RNASEH2B: variants seen among roughly 807,000 people sequenced by gnomAD.
RNASEH2B encodes ribonuclease H2 subunit B.
RNASEH2B carries 36 observed loss-of-function variants against 45.0 expected under a neutral mutation model. The ratio of observed to expected loss-of-function variants is 0.80; its 90% CI spans 0.61 to 1.06. The LOEUF is 1.06. Ranked by LOEUF, RNASEH2B falls within the 50% of genes least tolerant of loss-of-function variation. The probability of loss-of-function intolerance (pLI) is 0.00; values close to 1 mark genes in which losing one functional copy is unlikely to be tolerated. For synonymous variants in RNASEH2B, 119 were observed against 125.7 expected, an observed-to-expected ratio of 0.95 and a Z score of 0.35; for missense variants, 361 against 360.3, an observed-to-expected ratio of 1.00 and a Z score of -0.02.
chr13:50,949,402 T>A, intron 8 of RNASEH2B, 61 bp from the exon 9 acceptor site: 3 of 1,510,924 alleles, frequency 2.0e-6, no homozygotes, highest in East Asian at 2.3e-5. Context: ...GTTGGCCCTG[T>A]CTTTCTGTTT....
At chr13:50,951,594 G>A (rs181448635) in intron 9 of RNASEH2B, 6 of 152,134 alleles carry the variant, frequency 3.9e-5, no homozygotes, top group Admixed American at 3.3e-4. Context: ...TTGTAAGAAG[G>A]CCTAACATTA....
intron 3 of RNASEH2B, chr13:50,929,991 A>T: frequency 7.5e-6 from 2 of 266,790 alleles, no homozygotes; most frequent in South Asian, 4.3e-5. Context: ...AGTTTCTTTA[A>T]AATGCTTTGT....
chr13:50,943,995 C>CGGGACAGGACGGGATGGGAT (rs1951864849), intron 6 of RNASEH2B, among the ~76,000 whole-genome samples: 2 of 123,106 alleles, frequency 1.6e-5, no homozygotes, highest in Admixed American at 1.9e-4. Context: ...TGGGATGGGA[C>CGGGACAGGACGGGATGGGAT]GGGACAGGAC....
At chr13:50,963,936 G>A (rs1244375541) in intron 9 of RNASEH2B, among the ~76,000 whole-genome samples, 2 of 152,180 alleles carry the variant, frequency 1.3e-5, no homozygotes, top group Non-Finnish European at 1.5e-5. Context: ...GTTGGCTCAC[G>A]CCTGTAATCC....
Position 50,929,525 on chromosome 13 carries a change from G to A in RNASEH2B, c.187G>A (p.Val63Ile). Reference sequence around the variant, plus strand: ...TATGTGTCTACAGCAGCTGTTTGAAGTAAAAGTTTTCAAGGAAAAACACCA... The same window carrying A: ...TATGTGTCTACAGCAGCTGTTTGAAATAAAAGTTTTCAAGGAAAAACACCA... The part of the protein sequence containing the change: ...FNMCLQQLFE[V>I]KVFKEKHHSW... Residue 63 changes from valine to isoleucine, a missense_variant, in exon 3 of 11, where the codon GTA (valine) becomes ATA (isoleucine). Coordinates refer to ENST00000336617, the MANE Select transcript of RNASEH2B (RefSeq NM_024570.4). The A allele has an allele frequency of 6.2e-7, 1 of 1,613,916 alleles. No homozygotes were observed. The highest frequency in any genetic ancestry group is 1.1e-5 in the South Asian group (1 of 91,086).
intron 1 of RNASEH2B, chr13:50,911,104 T>C (rs1321938684): frequency 6.6e-6 from 1 of 152,224 alleles, no homozygotes; most frequent in Non-Finnish European, 1.5e-5. Context: ...TTTTCATACG[T>C]ATACACCACC....
intron 5 of RNASEH2B, 62 bp from the exon 6 acceptor site, chr13:50,943,259 T>TA: frequency 2.1e-6 from 2 of 967,748 alleles, no homozygotes; most frequent in Non-Finnish European, 3.3e-6. Flanking sequence ...TTGTATATGA[T>TA]ACAACCTTAG....
Position 50,946,289 on chromosome 13 carries a change from A to G in RNASEH2B, c.616+757A>G, listed in dbSNP as rs570957683. Among the ~76,000 whole-genome samples the G allele has an allele frequency of 3.2e-4, 48 of 152,354 alleles. No homozygotes were observed. In the South Asian group the frequency reaches 8.9e-3, roughly 28 times the overall value. ...TTATTCTGACGTTAAACTCCAATTC[A>G]TTGTTCCCTTATTCAGGGTATACAT... On this transcript the variant is annotated intron_variant, in intron 7 of 10. Transcript: ENST00000336617.
chr13:50,954,418 A>T (rs1327147657), intron 10 of RNASEH2B: 2 of 247,068 alleles, frequency 8.1e-6, no homozygotes, highest in Admixed American at 5.0e-5. Context: ...TTATAAATAC[A>T]TATGTGGCCT....
chr13:50,940,112 G>A (rs79323983), intron 5 of RNASEH2B, among the ~76,000 whole-genome samples: 1,542 of 152,240 alleles, frequency 0.01, 24 homozygotes, highest in African/African-American at 0.035. Flanking sequence ...GCAACAAAAT[G>A]GATGAATCTC....
intron 5 of RNASEH2B, chr13:50,939,207 A>G (rs536919630): frequency 2.0e-5 from 3 of 152,408 alleles, no homozygotes; most frequent in East Asian, 1.9e-4. Flanking sequence ...TACAAAGAAC[A>G]TTAGCCAGGT....
At chr13:50,930,933 G>T in intron 4 of RNASEH2B, 174 bp downstream of exon 4, 1 of 638,204 alleles carries the variant, frequency 1.6e-6, no homozygotes. Flanking sequence ...CTACTGCACA[G>T]GCCAGAGAAG....
At chr13:50,920,607 G>C (rs1273916846) in intron 1 of RNASEH2B, among the ~76,000 whole-genome samples, 3 of 152,146 alleles carry the variant, frequency 2.0e-5, no homozygotes, top group Non-Finnish European at 4.4e-5. Flanking sequence ...TTTTTAGCCA[G>C]CATGACTTAT....
chr13:50,937,115 T>A (rs1053787162), intron 5 of RNASEH2B: 1 of 152,170 alleles, frequency 6.6e-6, no homozygotes, highest in African/African-American at 2.4e-5. Context: ...CTCTAGAGGT[T>A]TGGCAGTTTC....
In RNASEH2B at chr13:50,956,450, T is replaced by TA. The variant is rs75254367; in HGVS notation, c.925dup (p.Ile309AsnfsTer8). 0.033 allele frequency: 47,161 copies of TA among 1,409,158 alleles called. 403 individuals are homozygous for TA. Among genetic ancestry groups the TA allele is most frequent in the South Asian group, 0.057 (4,536 of 79,440 alleles). 87.3% of individuals were successfully genotyped at this position (1,409,158 alleles called of 1,614,324 possible). ...TTGATACCTTTTTTGGGGTAAAAAA[T>TA]AAAAAAAAAATTGGAAAGGTTTGAA... On this transcript the variant is annotated frameshift_variant, in exon 11 of 11. Transcript: ENST00000336617. LOFTEE classifies it high-confidence loss of function.
intron 3 of RNASEH2B, chr13:50,930,266 A>C (rs1485385516): frequency 3.3e-6 from 1 of 302,622 alleles, no homozygotes; most frequent in Admixed American, 4.9e-5. Flanking sequence ...TTTGTCCTCA[A>C]AAGCACAGGA....
At chr13:50,935,273 T>C in intron 5 of RNASEH2B, 1 of 450,544 alleles carries the variant, frequency 2.2e-6, no homozygotes. Flanking sequence ...ACTAGTTCTG[T>C]GACATCAGGC....
At chr13:50,967,426 C>T (rs1952176045) in intron 9 of RNASEH2B, among the ~76,000 whole-genome samples, 1 of 152,148 alleles carries the variant, frequency 6.6e-6, no homozygotes, top group African/African-American at 2.4e-5. Flanking sequence ...TGGCAAAGCG[C>T]ATTGTGATTT....
At position 50,961,969 on chromosome 13, in the gene RNASEH2B, A is replaced by T. The variant is rs532283358; in HGVS notation, c.742-7963A>T. 2.5e-4 allele frequency among the ~76,000 whole-genome samples: 38 copies of T among 152,234 alleles called. 1 individual carries two copies. In the South Asian group the frequency reaches 7.2e-3, roughly 29 times the overall value. On this transcript the variant is annotated intron_variant, in intron 9 of 9. Transcript: ENST00000422660. ...GAGATGATCAAGTAGTTTTCTTTTT[A>T]ATAGAGGAATGTCTTTTAATATATG...
Sources: gnomAD v4.1 joint callset for allele counts (sites outside exome capture counted in the v4.1 genomes callset) on GRCh38, gnomAD v4.1.1 for gene constraint, MANE v1.5 for transcripts, NCBI Gene and HGNC (gene_info 2026-07-23, HGNC 2026-07-21) for gene names.